The following MAGI2 variants were observed in gnomAD, a reference collection of about 807,000 sequenced individuals.
MAGI2 encodes the protein membrane-associated guanylate kinase, WW and PDZ domain-containing protein 2.
Under a neutral mutation model 133.3 loss-of-function variants are expected in MAGI2, and 35 were observed. That is an observed-to-expected ratio of 0.26 (90% confidence interval 0.20 to 0.35). The LOEUF is 0.35. Among genes scored for constraint, MAGI2 ranks in the 10% least tolerant of loss-of-function variants. MAGI2 has a pLI of 1.00. For synonymous variants in MAGI2, 729 were observed against 710.6 expected (o/e 1.03, Z -0.41); for missense variants, 1,636 against 1,863.4 (o/e 0.88, Z 2.25).
intron 1 of MAGI2, among the ~76,000 whole-genome samples, chr7:79,098,148 T>C (rs1261264579): frequency 6.6e-6 from 1 of 152,110 alleles, no homozygotes; most frequent in African/African-American, 2.4e-5. Flanking sequence ...TGCGCAATTT[T>C]TATTCTTTCC....
At chr7:78,577,902 T>C (rs1242177710) in intron 3 of MAGI2, among the ~76,000 whole-genome samples, 2 of 152,090 alleles carry the variant, frequency 1.3e-5, no homozygotes, top group African/African-American at 4.8e-5. Flanking sequence ...AATATTTCCT[T>C]AATTAGAAGA....
At chr7:78,732,292 C>T (rs1377394356) in intron 2 of MAGI2, among the ~76,000 whole-genome samples, 1 of 152,014 alleles carries the variant, frequency 6.6e-6, no homozygotes, top group Admixed American at 6.6e-5. Context: ...GACTCTGAGC[C>T]CCAGATATGT....
At chr7:78,916,352 T>G (rs562884428) in intron 2 of MAGI2, among the ~76,000 whole-genome samples, 6 of 152,276 alleles carry the variant, frequency 3.9e-5, no homozygotes, top group African/African-American at 1.4e-4. Flanking sequence ...AGCATTCATT[T>G]ATTTATTCAT....
intron 10 of MAGI2, among the ~76,000 whole-genome samples, chr7:78,226,320 TAAAA>T (rs5885045): frequency 5.6e-5 from 8 of 141,852 alleles, no homozygotes; most frequent in African/African-American, 8.0e-5. Flanking sequence ...TACAAATGTT[TAAAA>T]AAAAAAAAAA....
chr7:78,079,026 T>G lies in MAGI2; in HGVS notation c.3627A>C (p.Arg1209Ser). ...CTCCAGATTTGATGAGTTCTATTGC[T>G]CTGGCATGTGTCATGTCCCTTGTGC... ...GESTRDMTHA[R>S]AIELIKSGGR... Residue 1209 changes from arginine to serine, a missense_variant, in exon 21 of 22, where the codon AGA (arginine) becomes AGC (serine). Arg to Ser is a moderately radical substitution (Grantham distance 110, BLOSUM62 -1). Coordinates refer to ENST00000354212, the MANE Select transcript of MAGI2 (RefSeq NM_012301.4). 6.2e-7 allele frequency: 1 copy of G among 1,614,068 alleles called. No individual in the cohort carries two copies. The highest frequency in any genetic ancestry group is 8.5e-7 in the Non-Finnish European group (1 of 1,179,974).
rs1488159188 is a variant in MAGI2, at chr7:79,314,807, T to TC, written c.301+138212dup. ...ACATAGAAAAAGAAAATTTTGCTGT[T>TC]CTCTTATGCACTCAAATCAGAAAAG... On this transcript the variant is annotated intron_variant, in intron 1 of 21. Coordinates refer to ENST00000354212, the MANE Select transcript of MAGI2 (RefSeq NM_012301.4). Among the ~76,000 whole-genome samples, 21 of 152,158 alleles carry TC rather than the reference T, an allele frequency of 1.4e-4. 2 individuals are homozygous for TC.
In MAGI2 at chr7:78,711,794, TCA is replaced by T. The variant is rs61582991; in HGVS notation, c.419-84557_419-84556del. ...GCGTTGATGTTTAAGAAAATATTTT[TCA>T]CAGAATAAGGCAGCTCTTAATTACC... On this transcript the variant is annotated intron_variant, in intron 2 of 21. Transcript: ENST00000354212. Among the ~76,000 whole-genome samples the T allele has an allele frequency of 2.8e-3, 425 of 152,322 alleles. 9 individuals are homozygous for T. In the South Asian group the frequency reaches 0.043, roughly 16 times the overall value.
chr7:78,563,218 G>A (rs925712207), intron 3 of MAGI2, among the ~76,000 whole-genome samples: 15 of 152,054 alleles, frequency 9.9e-5, no homozygotes, highest in African/African-American at 2.9e-4. Context: ...CAACTGAAAA[G>A]GTTTTATAAT....
At chr7:78,698,393 C>T (rs550323588) in intron 2 of MAGI2, among the ~76,000 whole-genome samples, 3 of 152,236 alleles carry the variant, frequency 2.0e-5, no homozygotes, top group South Asian at 2.1e-4. Flanking sequence ...CAGTTTATTC[C>T]GCATCCCCTA....
chr7:78,757,650 T>C (rs1824089152), intron 2 of MAGI2, among the ~76,000 whole-genome samples: 1 of 152,172 alleles, frequency 6.6e-6, no homozygotes, highest in Admixed American at 6.5e-5. Flanking sequence ...GATCATTCTC[T>C]CTTTGAAGCA....
intron 1 of MAGI2, among the ~76,000 whole-genome samples, chr7:79,303,644 G>A (rs554168559): frequency 2.0e-5 from 3 of 152,166 alleles, no homozygotes; most frequent in Non-Finnish European, 2.9e-5. Context: ...TTTGTCATCA[G>A]ATGATTTAAT....
intron 1 of MAGI2, among the ~76,000 whole-genome samples, chr7:79,030,811 T>G (rs1028858372): frequency 6.6e-6 from 1 of 152,198 alleles, no homozygotes; most frequent in African/African-American, 2.4e-5. Flanking sequence ...TTTAGTATCA[T>G]GCTTTTCAAT....
intron 1 of MAGI2, among the ~76,000 whole-genome samples, chr7:79,434,056 G>C (rs1395813665): frequency 1.3e-5 from 2 of 151,042 alleles, no homozygotes; most frequent in Admixed American, 1.3e-4. Flanking sequence ...TTCTCAAATA[G>C]AACAATTTTA....
chr7:78,612,521 T>C (rs1046251297), intron 3 of MAGI2, among the ~76,000 whole-genome samples: 8 of 152,148 alleles, frequency 5.3e-5, no homozygotes, highest in Non-Finnish European at 7.4e-5. Flanking sequence ...ACATTGTTTT[T>C]CCTCTGTTAA....
At chr7:78,749,151 T>C (rs1053521662) in intron 2 of MAGI2, among the ~76,000 whole-genome samples, 2 of 152,118 alleles carry the variant, frequency 1.3e-5, no homozygotes, top group African/African-American at 4.8e-5. Context: ...GAAGAAGAAA[T>C]GATCTTCACC....
intron 9 of MAGI2, among the ~76,000 whole-genome samples, chr7:78,294,255 A>G (rs189273612): frequency 2.0e-5 from 3 of 152,252 alleles, no homozygotes; most frequent in East Asian, 1.9e-4. Context: ...GAGGCGAAGA[A>G]TGGCACATTG....
intron 21 of MAGI2, among the ~76,000 whole-genome samples, chr7:78,075,198 C>T (rs906193099): frequency 6.6e-6 from 1 of 152,136 alleles, no homozygotes; most frequent in African/African-American, 2.4e-5. Context: ...TTTTCTTGAG[C>T]AGCAATGTCA....
chr7:78,283,754 C>T (rs1795861810), intron 9 of MAGI2, among the ~76,000 whole-genome samples: 1 of 151,948 alleles, frequency 6.6e-6, no homozygotes, highest in Admixed American at 6.6e-5. Context: ...CATGCCTATT[C>T]CAAAGTGGTT....
At chr7:78,855,981 T>C (rs561795279) in intron 2 of MAGI2, among the ~76,000 whole-genome samples, 7 of 152,318 alleles carry the variant, frequency 4.6e-5, no homozygotes, top group African/African-American at 1.4e-4. Flanking sequence ...ATTGTGGTTT[T>C]GCTTTACATT....
Sources: gnomAD v4.1 joint callset for allele counts (sites outside exome capture counted in the v4.1 genomes callset) on GRCh38, gnomAD v4.1.1 for gene constraint, MANE v1.5 for transcripts, NCBI Gene and HGNC (gene_info 2026-07-23, HGNC 2026-07-21) for gene names.